The following GNB1L variants were observed in gnomAD, a reference collection of about 807,000 sequenced individuals.
GNB1L encodes the protein G protein subunit beta 1 like.
A neutral mutation model predicts 29.1 loss-of-function variants in GNB1L; 20 were observed. The observed-to-expected ratio is 0.69, with a 90% CI of 0.48 to 1.00. The LOEUF is 1.00. Among genes scored for constraint, GNB1L ranks in the 50% least tolerant of loss-of-function variants. The pLI is 0.00. For missense variants in GNB1L, 421 were observed against 464.9 expected (o/e 0.91, Z 0.87); for synonymous variants, 193 against 206.5 (o/e 0.93, Z 0.56).
chr22:19,798,697 C>T (rs1937334738), intron 7 of GNB1L, among the ~76,000 whole-genome samples: 2 of 152,108 alleles, frequency 1.3e-5, no homozygotes, highest in African/African-American at 2.4e-5. Flanking sequence ...ACCCCACACC[C>T]ACCTCAGCCA....
At chr22:19,793,151 T>C in intron 7 of GNB1L, 1 of 1,081,312 alleles carries the variant, frequency 9.2e-7, no homozygotes, top group Non-Finnish European at 1.3e-6. Context: ...CAAATTTTCC[T>C]TCAAAAAAAA....
chr22:19,788,912 T>A lies in GNB1L; in HGVS notation c.781A>T (p.Ile261Phe), dbSNP rs1244212356. The part of the protein sequence containing the change: ...LTNPGIAEVT[I>F]RPDRKILATA... ...GCCAGGATCTTGCGATCTGGCCGGATCGTGACCTCGGCGATCCCGGGATTG... is the reference window on the plus strand; with the variant it reads ...GCCAGGATCTTGCGATCTGGCCGGAACGTGACCTCGGCGATCCCGGGATTG... Residue 261 changes from isoleucine to phenylalanine, a missense_variant, in exon 8 of 8, where the codon ATC (isoleucine) becomes TTC (phenylalanine). Coordinates refer to ENST00000329517, the MANE Select transcript of GNB1L (RefSeq NM_053004.3). 6.2e-7 allele frequency: 1 copy of A among 1,611,828 alleles called. No homozygotes were observed. The highest frequency in any genetic ancestry group is 2.2e-5 in the East Asian group (1 of 44,836).
intron 4 of GNB1L, 151 bp from the exon 5 acceptor site, chr22:19,812,598 G>A (rs1289045377): frequency 7.0e-6 from 5 of 719,042 alleles, no homozygotes; most frequent in Non-Finnish European, 1.1e-5. Context: ...AGCTGAGGAA[G>A]GGCCTCACCG....
chr22:19,821,988 C>G (rs1038437920), intron 2 of GNB1L, among the ~76,000 whole-genome samples: 5 of 152,184 alleles, frequency 3.3e-5, no homozygotes, highest in African/African-American at 1.2e-4. Context: ...TTCTCTCCTC[C>G]CTGCTGCCAC....
intron 2 of GNB1L, chr22:19,847,756 C>T (rs1235142319): frequency 1.0e-6 from 1 of 962,532 alleles, no homozygotes; most frequent in Non-Finnish European, 1.2e-6. Context: ...TTCTCCATAC[C>T]TCCACAACTC....
chr22:19,813,117 T>C (rs1937512996), intron 4 of GNB1L, among the ~76,000 whole-genome samples: 1 of 151,996 alleles, frequency 6.6e-6, no homozygotes, highest in Non-Finnish European at 1.5e-5. Flanking sequence ...GTAAAGTCAA[T>C]ATGAACAACG....
chr22:19,853,009 G>C (rs1041121724), intron 2 of GNB1L, among the ~76,000 whole-genome samples: 2 of 152,156 alleles, frequency 1.3e-5, no homozygotes, highest in African/African-American at 4.8e-5. Context: ...AGACCGCGTC[G>C]TCATTAGGCT....
At chr22:19,847,672 T>G (rs1042101182) in intron 2 of GNB1L, 2 of 984,536 alleles carry the variant, frequency 2.0e-6, no homozygotes, top group Admixed American at 1.2e-4. Flanking sequence ...AGTCACAGCA[T>G]GCATGTGCCT....
intron 3 of GNB1L, 23 bp downstream of exon 3, chr22:19,821,205 G>A: frequency 6.3e-7 from 1 of 1,599,394 alleles, no homozygotes; most frequent in East Asian, 2.2e-5. Flanking sequence ...GGGTGGCCTG[G>A]GGCTGGGGCC....
intron 2 of GNB1L, chr22:19,846,543 C>A: frequency 1.0e-6 from 1 of 985,504 alleles, no homozygotes; most frequent in Non-Finnish European, 1.2e-6. Flanking sequence ...ACAGCAAAGA[C>A]AAAACCAGAG....
chr22:19,817,745 C>T (rs533019315), intron 4 of GNB1L, among the ~76,000 whole-genome samples: 1 of 152,356 alleles, frequency 6.6e-6, no homozygotes, highest in South Asian at 2.1e-4. Flanking sequence ...CAGGTGGCAG[C>T]AGCTCAGGGA....
Position 19,812,297 on chromosome 22 carries a change from C to G in GNB1L, c.405G>C (p.Arg135Ser). ...GGCTGGCTCTCACCTCGTCGCTGCC[C>G]CTCCCTGGCACGGCAAGCGTCCAGC... is the stretch of plus-strand genomic sequence containing the variant. ...QPRWTLAVPGRGSDEVQILEM... is the reference protein window; with the variant it reads ...QPRWTLAVPGSGSDEVQILEM... Residue 135 changes from arginine (R) to serine (S), a missense_variant, in exon 5 of 8, where the codon AGG (arginine) becomes AGC (serine). Coordinates refer to ENST00000329517, the MANE Select transcript of GNB1L (RefSeq NM_053004.3). 6.2e-7 allele frequency: 1 copy of G among 1,612,594 alleles called. No homozygotes were observed. The highest frequency in any genetic ancestry group is 1.1e-5 in the South Asian group (1 of 90,992).
intron 2 of GNB1L, among the ~76,000 whole-genome samples, chr22:19,835,547 G>T (rs561123040): frequency 5.3e-5 from 8 of 151,976 alleles, no homozygotes; most frequent in Non-Finnish European, 1.2e-4. Flanking sequence ...AGTAGCGCAC[G>T]CCTGTAGTCC....
chr22:19,789,005 A>G, intron 7 of GNB1L, 45 bp from the exon 8 acceptor site: 1 of 1,552,790 alleles, frequency 6.4e-7, no homozygotes, highest in Non-Finnish European at 8.7e-7. Flanking sequence ...TAAGCCCACA[A>G]GGCAGTGCTG....
At chr22:19,844,229 A>G (rs77041483) in intron 2 of GNB1L, among the ~76,000 whole-genome samples, 9,656 of 152,156 alleles carry the variant, frequency 0.063, 985 homozygotes, top group African/African-American at 0.22. Flanking sequence ...GACACGCCCA[A>G]ATGGCGTGAT....
At chr22:19,843,507 C>T (rs1352182831) in intron 2 of GNB1L, among the ~76,000 whole-genome samples, 9 of 152,216 alleles carry the variant, frequency 5.9e-5, no homozygotes, top group Admixed American at 5.9e-4. Flanking sequence ...TTCCCACCTC[C>T]CAGGGCTGAC....
intron 3 of GNB1L, 152 bp downstream of exon 3, chr22:19,821,076 C>G (rs1268851392): frequency 1.4e-6 from 1 of 737,728 alleles, no homozygotes; most frequent in Admixed American, 2.3e-5. Context: ...GACAGTGTGT[C>G]TGCTGGTGGG....
At chr22:19,801,652 G>GT (rs1937373042) in intron 7 of GNB1L, among the ~76,000 whole-genome samples, 1 of 143,744 alleles carries the variant, frequency 7.0e-6, no homozygotes, top group Non-Finnish European at 1.5e-5. Context: ...TTTCCACACT[G>GT]GTTTTTTTTT....
chr22:19,848,624 G>A (rs984017684), intron 2 of GNB1L: 14 of 985,450 alleles, frequency 1.4e-5, no homozygotes, highest in South Asian at 4.7e-5. Flanking sequence ...TAAACAGGAC[G>A]CGTTTTAATT....
Sources: allele counts gnomAD v4.1 joint callset (sites outside exome capture counted in the v4.1 genomes callset), GRCh38; gene constraint gnomAD v4.1.1; transcripts MANE v1.5; gene names NCBI Gene and HGNC (gene_info 2026-07-23, HGNC 2026-07-21).